COL8A1: variants seen among roughly 807,000 people sequenced by gnomAD.
COL8A1 encodes the protein collagen alpha-1(VIII) chain.
Under a neutral mutation model 42.7 loss-of-function variants are expected in COL8A1, and 21 were observed. The observed-to-expected ratio is 0.49, with a 90% CI of 0.35 to 0.71. The LOEUF (loss-of-function observed/expected upper bound fraction) is 0.71. Among genes scored for constraint, COL8A1 ranks in the 30% least tolerant of loss-of-function variants. The pLI, the probability that COL8A1 is intolerant of heterozygous loss-of-function variation, is 0.01. For missense variants in COL8A1, 788 were observed against 962.4 expected (o/e 0.82, Z 2.40); for synonymous variants, 367 against 369.1 (o/e 0.99, Z 0.06).
At chr3:99,745,165 C>G (rs949568878) in intron 2 of COL8A1, 144 bp downstream of exon 2, 1 of 152,186 alleles carries the variant, frequency 6.6e-6, no homozygotes, top group African/African-American at 2.4e-5. Flanking sequence ...CATCCCTATC[C>G]CCATCGTTGC....
chr3:99,698,261 G>T (rs1476474058), intron 1 of COL8A1, among the ~76,000 whole-genome samples: 2 of 152,156 alleles, frequency 1.3e-5, no homozygotes, highest in East Asian at 1.9e-4. Context: ...ATAGTGAATG[G>T]TGCCACAATA....
At position 99,738,767 on chromosome 3, in the gene COL8A1, T is replaced by C. The variant is rs377632879; in HGVS notation, c.-128-6130T>C. Among the ~76,000 whole-genome samples, 4 of 152,170 alleles carry C rather than the reference T, an allele frequency of 2.6e-5. No individual in the cohort carries two copies. The East Asian group carries it at 7.7e-4, about 29-fold the overall frequency. On this transcript the variant is annotated intron_variant, in intron 1 of 3. Coordinates refer to ENST00000652472, the MANE Select transcript of COL8A1 (RefSeq NM_020351.4). ...TGGGCTCCACCCAGTTCGAGCTTCC[T>C]GGCTGCTTTGTTTACCTAATCAAGC... is the stretch of plus-strand genomic sequence containing the variant.
chr3:99,679,872 T>G (rs1005832709), intron 1 of COL8A1: 1 of 152,200 alleles, frequency 6.6e-6, no homozygotes, highest in African/African-American at 2.4e-5. Flanking sequence ...AAATATGGAT[T>G]GGGGTGTATT....
At chr3:99,731,904 A>G (rs993452046) in intron 1 of COL8A1, among the ~76,000 whole-genome samples, 3 of 152,176 alleles carry the variant, frequency 2.0e-5, no homozygotes, top group Non-Finnish European at 4.4e-5. Flanking sequence ...TATTATTTAT[A>G]AACACACAAA....
chr3:99,764,533 C>G (rs1379240729), intron 2 of COL8A1, among the ~76,000 whole-genome samples: 1 of 152,046 alleles, frequency 6.6e-6, no homozygotes, highest in Non-Finnish European at 1.5e-5. Context: ...GTGCTTAGAA[C>G]CTGGAGGTAG....
At chr3:99,786,945 T>C (rs1321462244) in intron 2 of COL8A1, among the ~76,000 whole-genome samples, 1 of 152,146 alleles carries the variant, frequency 6.6e-6, no homozygotes, top group African/African-American at 2.4e-5. Flanking sequence ...CTTGAGAGAC[T>C]ACAAATCTTG....
chr3:99,786,557 C>A (rs1227874593), intron 2 of COL8A1, among the ~76,000 whole-genome samples: 1 of 152,186 alleles, frequency 6.6e-6, no homozygotes, highest in African/African-American at 2.4e-5. Flanking sequence ...TTATAAACCA[C>A]TCAACCTATG....
chr3:99,735,936 C>A (rs1473945387), intron 1 of COL8A1, among the ~76,000 whole-genome samples: 1 of 151,960 alleles, frequency 6.6e-6, no homozygotes, highest in Non-Finnish European at 1.5e-5. Context: ...AGTTTATTTG[C>A]ATAGAGGTGT....
chr3:99,717,988 A>G (rs1466647586), intron 1 of COL8A1, among the ~76,000 whole-genome samples: 1 of 151,990 alleles, frequency 6.6e-6, no homozygotes, highest in East Asian at 1.9e-4. Context: ...GCAATCTCAC[A>G]AACGTCCATT....
intron 1 of COL8A1, among the ~76,000 whole-genome samples, chr3:99,655,379 T>C (rs1275347742): frequency 6.6e-6 from 1 of 152,230 alleles, no homozygotes; most frequent in East Asian, 1.9e-4. Context: ...TGTCTTTACA[T>C]GGTAGTCTTT....
chr3:99,647,708 T>C (rs1937692547), intron 1 of COL8A1, among the ~76,000 whole-genome samples: 1 of 152,204 alleles, frequency 6.6e-6, no homozygotes, highest in South Asian at 2.1e-4. Flanking sequence ...ATCTTTACTA[T>C]CATTAACTAA....
intron 1 of COL8A1, among the ~76,000 whole-genome samples, chr3:99,724,026 G>C (rs955430438): frequency 3.3e-5 from 5 of 152,102 alleles, no homozygotes; most frequent in Admixed American, 2.6e-4. Flanking sequence ...TTTATTGCAA[G>C]CTCCTGAAGG....
intron 1 of COL8A1, chr3:99,675,871 A>G (rs1399657127): frequency 6.6e-6 from 1 of 152,432 alleles, no homozygotes; most frequent in African/African-American, 2.4e-5. Context: ...AGTCATAGAG[A>G]TAAAAAAGAG....
chr3:99,648,249 G>C (rs1278406565), intron 1 of COL8A1, among the ~76,000 whole-genome samples: 1 of 152,104 alleles, frequency 6.6e-6, no homozygotes, highest in Non-Finnish European at 1.5e-5. Flanking sequence ...CTTCTATCCA[G>C]GTCACAGTCC....
chr3:99,702,078 GCTAA>G (rs562472401), intron 1 of COL8A1, among the ~76,000 whole-genome samples: 215 of 152,268 alleles, frequency 1.4e-3, no homozygotes, highest in African/African-American at 4.8e-3. Flanking sequence ...AAAGACTTCT[GCTAA>G]CTGTCTCCCA....
At chr3:99,721,863 T>G (rs1483039389) in intron 1 of COL8A1, among the ~76,000 whole-genome samples, 3 of 150,202 alleles carry the variant, frequency 2.0e-5, no homozygotes, top group African/African-American at 7.3e-5. Flanking sequence ...ATAGAACCCC[T>G]GAGAAGATTG....
At chr3:99,641,168 G>A (rs1338316584) in intron 1 of COL8A1, among the ~76,000 whole-genome samples, 1 of 151,960 alleles carries the variant, frequency 6.6e-6, no homozygotes, top group African/African-American at 2.4e-5. Context: ...GGGTGAAAAG[G>A]GACTTGAAAG....
chr3:99,760,485 A>G (rs1941346762), intron 2 of COL8A1, among the ~76,000 whole-genome samples: 1 of 152,178 alleles, frequency 6.6e-6, no homozygotes, highest in Non-Finnish European at 1.5e-5. Flanking sequence ...GAAATATTAA[A>G]TATTTAGTCA....
intron 1 of COL8A1, among the ~76,000 whole-genome samples, chr3:99,711,782 G>C (rs577356110): frequency 6.6e-6 from 1 of 152,178 alleles, no homozygotes; most frequent in African/African-American, 2.4e-5. Context: ...GAATTATAAG[G>C]TCAAACTAAG....
Sources: gnomAD v4.1 joint callset for allele counts (sites outside exome capture counted in the v4.1 genomes callset) on GRCh38, gnomAD v4.1.1 for gene constraint, MANE v1.5 for transcripts, NCBI Gene and HGNC (gene_info 2026-07-23, HGNC 2026-07-21) for gene names.